The following PRKN variants were observed in gnomAD, a reference collection of about 807,000 sequenced individuals.
PRKN encodes E3 ubiquitin-protein ligase parkin.
A neutral mutation model predicts 59.5 loss-of-function variants in PRKN; 56 were observed. The ratio of observed to expected loss-of-function variants is 0.94; its 90% confidence interval spans 0.76 to 1.18. The LOEUF is 1.18. Among genes scored for constraint, PRKN ranks in the 50% most tolerant of loss-of-function variants. The pLI is 0.00. For missense variants in PRKN, 657 were observed against 596.4 expected, an observed-to-expected ratio of 1.10 and a Z score of -1.06; for synonymous variants, 250 against 222.1, an observed-to-expected ratio of 1.13 and a Z score of -1.12.
At chr6:162,194,514 A>C (rs1326940832) in intron 4 of PRKN, among the ~76,000 whole-genome samples, 2 of 152,314 alleles carry the variant, frequency 1.3e-5, no homozygotes, top group Admixed American at 1.3e-4. Flanking sequence ...TTACAATTTT[A>C]AATTCCTTCT....
At chr6:161,970,401 A>C (rs1780756188) in intron 6 of PRKN, among the ~76,000 whole-genome samples, 1 of 79,484 alleles carries the variant, frequency 1.3e-5, no homozygotes, top group African/African-American at 6.1e-5. Flanking sequence ...ATACGAAACT[A>C]TATATATATA....
chr6:162,018,472 T>G (rs1783013296), intron 5 of PRKN, among the ~76,000 whole-genome samples: 1 of 152,236 alleles, frequency 6.6e-6, no homozygotes, highest in Non-Finnish European at 1.5e-5. Context: ...TTGAATTACT[T>G]GGAGTCTAAA....
chr6:161,989,628 A>G (rs1031528251), intron 5 of PRKN, among the ~76,000 whole-genome samples: 36 of 152,136 alleles, frequency 2.4e-4, no homozygotes, highest in Admixed American at 1.0e-3. Flanking sequence ...ACCCACACAC[A>G]CTATTGGGGA....
At chr6:162,684,119 G>A (rs1053727954) in intron 1 of PRKN, among the ~76,000 whole-genome samples, 1 of 151,980 alleles carries the variant, frequency 6.6e-6, no homozygotes, top group African/African-American at 2.4e-5. Context: ...ATCATTGTAC[G>A]AAGATGTTCC....
At chr6:162,177,956 A>T (rs1219576158) in intron 4 of PRKN, among the ~76,000 whole-genome samples, 1 of 152,160 alleles carries the variant, frequency 6.6e-6, no homozygotes, top group Non-Finnish European at 1.5e-5. Context: ...TTGAAGGAGA[A>T]CACTAGGTGG....
In PRKN at chr6:161,854,087, A is replaced by G. The variant is rs1359233205; in HGVS notation, c.735-68179T>C. Among the ~76,000 whole-genome samples the G allele has an allele frequency of 3.8e-3, 570 of 149,688 alleles. 2 individuals carry two copies. The highest frequency in any genetic ancestry group is 6.6e-3 in the Non-Finnish European group (446 of 67,180). Reference sequence around the variant, plus strand: ...ATGGTGAAACCCTGTTTCTACATAAAAAAAAAAAAAAAAAAAAATTAGCCA... The same window carrying G: ...ATGGTGAAACCCTGTTTCTACATAAGAAAAAAAAAAAAAAAAAATTAGCCA... On this transcript the variant is annotated intron_variant, in intron 6 of 11. Transcript: ENST00000366898.
At chr6:162,471,042 T>C (rs1273976412) in intron 1 of PRKN, among the ~76,000 whole-genome samples, 2 of 151,222 alleles carry the variant, frequency 1.3e-5, no homozygotes, top group Non-Finnish European at 2.9e-5. Context: ...ATTACAGGCA[T>C]GACCCACCAC....
rs1331132597 is a variant in PRKN, at chr6:161,396,058, C to T, written c.1084-9181G>A. Among the ~76,000 whole-genome samples the T allele has an allele frequency of 6.6e-6, 1 of 152,146 alleles. No individual in the cohort carries two copies. The highest frequency in any genetic ancestry group is 1.9e-4 in the East Asian group (1 of 5,196). ...GCTCTCAGTGACGCTTGCCAGGTGA[C>T]CTGACTGCAGCAGTCTGCCAGAGGA... On this transcript the variant is annotated intron_variant, in intron 9 of 11. Coordinates refer to ENST00000366898, the MANE Select transcript of PRKN (RefSeq NM_004562.3). This position sits in a 1 kb window ranked among gnomAD's most constrained non-coding sequence, Gnocchi z 5.4.
intron 7 of PRKN, among the ~76,000 whole-genome samples, chr6:161,688,153 G>T (rs900844515): frequency 6.6e-6 from 1 of 152,170 alleles, no homozygotes; most frequent in African/African-American, 2.4e-5. Context: ...CCGTGAATTA[G>T]ACTGGATCTT....
intron 5 of PRKN, among the ~76,000 whole-genome samples, chr6:162,015,445 G>A (rs117050443): frequency 1.7e-4 from 26 of 152,234 alleles, no homozygotes; most frequent in African/African-American, 2.2e-4. Flanking sequence ...AGGCAGAAGC[G>A]CAGAACCAAC....
At chr6:162,457,144 T>C (rs1217462765) in intron 1 of PRKN, among the ~76,000 whole-genome samples, 1 of 152,202 alleles carries the variant, frequency 6.6e-6, no homozygotes, top group Non-Finnish European at 1.5e-5. Context: ...AGTACTGATT[T>C]TGGGGCAAGG....
intron 4 of PRKN, among the ~76,000 whole-genome samples, chr6:162,084,649 A>G (rs1269516483): frequency 1.3e-5 from 2 of 152,134 alleles, no homozygotes; most frequent in Non-Finnish European, 2.9e-5. Flanking sequence ...TTATGTTTCT[A>G]CAAACATAAG....
At chr6:162,727,581 T>G (rs1024963107) in intron 1 of PRKN, 81 bp downstream of exon 1, 2 of 1,438,282 alleles carry the variant, frequency 1.4e-6, no homozygotes, top group Admixed American at 3.9e-5. Context: ...CCGGGGGTCC[T>G]GGTCGGCCGA....
chr6:161,887,715 T>C (rs1323204450), intron 6 of PRKN, among the ~76,000 whole-genome samples: 2 of 152,208 alleles, frequency 1.3e-5, no homozygotes, highest in African/African-American at 4.8e-5. Context: ...ATAAAAGTGC[T>C]ACTTGGACTT....
At chr6:161,890,264 C>T (rs1379020315) in intron 6 of PRKN, among the ~76,000 whole-genome samples, 1 of 152,194 alleles carries the variant, frequency 6.6e-6, no homozygotes, top group African/African-American at 2.4e-5. Flanking sequence ...GAAAGAGTCC[C>T]TGTTCTCTTT....
chr6:161,612,549 C>G (rs1039464904), intron 7 of PRKN, among the ~76,000 whole-genome samples: 1 of 151,624 alleles, frequency 6.6e-6, no homozygotes, highest in Non-Finnish European at 1.5e-5. Flanking sequence ...GGTGAAACCC[C>G]CTCTCTACTA....
chr6:161,433,547 G>A (rs1023313826), intron 9 of PRKN, among the ~76,000 whole-genome samples: 1 of 152,058 alleles, frequency 6.6e-6, no homozygotes. Context: ...ATAAACACAT[G>A]TTAGAGAATA....
chr6:162,610,075 T>C (rs1395016824), intron 1 of PRKN, among the ~76,000 whole-genome samples: 2 of 152,206 alleles, frequency 1.3e-5, no homozygotes, highest in African/African-American at 4.8e-5. Flanking sequence ...AGAACGCTCT[T>C]ACAACAACAA....
chr6:161,762,866 T>C (rs957509809), intron 7 of PRKN, among the ~76,000 whole-genome samples: 1 of 152,170 alleles, frequency 6.6e-6, no homozygotes, highest in Non-Finnish European at 1.5e-5. Flanking sequence ...ATCTTTCCTT[T>C]CCTGTAACAT....
Sources: allele counts gnomAD v4.1 joint callset (sites outside exome capture counted in the v4.1 genomes callset), GRCh38; gene constraint gnomAD v4.1.1; non-coding constraint Gnocchi (gnomAD v3.1); transcripts MANE v1.5; gene names NCBI Gene and HGNC (gene_info 2026-07-23, HGNC 2026-07-21).